The following RGS3 variants were observed in gnomAD, a reference collection of about 807,000 sequenced individuals.
RGS3 encodes regulator of G protein signaling 3.
A neutral mutation model predicts 132.6 loss-of-function variants in RGS3; 80 were observed. The ratio of observed to expected loss-of-function variants is 0.60; its 90% confidence interval spans 0.50 to 0.73. The LOEUF is 0.73. RGS3 is among the 30% of genes least tolerant of loss of function. RGS3 has a pLI of 0.00. For synonymous variants in RGS3, 598 were observed against 620.6 expected (o/e 0.96, Z 0.54); for missense variants, 1,382 against 1,530.8 (o/e 0.90, Z 1.62).
At chr9:113,460,028 A>G (rs1334055594), upstream of RGS3, among the ~76,000 whole-genome samples, 1 of 147,900 alleles carries the variant, frequency 6.8e-6, no homozygotes, top group Non-Finnish European at 1.5e-5. Context: ...GCAACAAGAG[A>G]GAAACTCTCT....
intron 20 of RGS3, among the ~76,000 whole-genome samples, chr9:113,587,640 A>AT (rs1451549798): frequency 6.6e-6 from 1 of 152,214 alleles, no homozygotes; most frequent in Non-Finnish European, 1.5e-5. Context: ...ACAGGGTGAC[A>AT]TTCAGTCTCG....
exon 20 of RGS3, chr9:113,584,000 G>T (rs1388533089): frequency 1.2e-6 from 2 of 1,614,144 alleles, no homozygotes; most frequent in Non-Finnish European, 8.5e-7. Context: ...CGGCTGGATA[G>T]CACCTACAGC....
At position 113,463,579 on chromosome 9, in the gene RGS3, G is replaced by A; in HGVS notation, c.415+1378G>A. 1 of 860,074 alleles carries A rather than the reference G, an allele frequency of 1.2e-6. No homozygotes were observed. Among genetic ancestry groups the A allele is most frequent in the Non-Finnish European group, 1.6e-6 (1 of 620,318 alleles). 53.3% of individuals were successfully genotyped at this position (860,074 alleles called of 1,614,324 possible). ...CGTCGCTGCTCAGCGCGGGTCGGCGGCGCCGCCTCCCCCACCCCGGCCCAG... is the reference window on the plus strand; with the variant it reads ...CGTCGCTGCTCAGCGCGGGTCGGCGACGCCGCCTCCCCCACCCCGGCCCAG... On this transcript the variant is annotated intron_variant, in intron 3 of 24. Coordinates refer to ENST00000350696, the Ensembl canonical transcript of RGS3. This position sits in a 1 kb window ranked among gnomAD's most constrained non-coding sequence, Gnocchi z 4.6.
chr9:113,525,812 T>A (rs1328312177), intron 17 of RGS3, among the ~76,000 whole-genome samples: 1 of 152,172 alleles, frequency 6.6e-6, no homozygotes, highest in Admixed American at 6.5e-5. Context: ...CATGGAACAC[T>A]GTGGGTGCCT....
intron 10 of RGS3, chr9:113,501,426 C>G (rs1462647884): frequency 1.4e-6 from 2 of 1,472,534 alleles, no homozygotes. Flanking sequence ...ACAGACAGGG[C>G]TTGGGGAGGT....
In RGS3 at chr9:113,517,591, G is replaced by T. The variant is rs767390721; in HGVS notation, c.1725G>T (p.Leu575=). 9 of 1,613,564 alleles carry T rather than the reference G, an allele frequency of 5.6e-6. No individual in the cohort carries two copies. The African/African-American group carries it at 1.2e-4, about 22-fold the overall frequency. ...GGACCCTCCTGCTGTCAGAGGAGCT[G>T]CTGCTGTATGAAGGGAGGAACAAGG... The change falls in exon 16 of 25, where the codon CTG becomes CTT. Residue 575 remains leucine, a synonymous_variant. Coordinates refer to ENST00000350696, the Ensembl canonical transcript of RGS3.
intron 16 of RGS3, among the ~76,000 whole-genome samples, chr9:113,520,802 C>T (rs1831915061): frequency 6.6e-6 from 1 of 151,932 alleles, no homozygotes; most frequent in Non-Finnish European, 1.5e-5. Flanking sequence ...TTTTCTTCAC[C>T]TCATCTCTTA....
chr9:113,577,325 A>G (rs1003636946), intron 19 of RGS3, among the ~76,000 whole-genome samples: 2 of 152,158 alleles, frequency 1.3e-5, no homozygotes, highest in African/African-American at 4.8e-5. Flanking sequence ...AAATTAGTGC[A>G]AAGTACAGAG....
intron 3 of RGS3, among the ~76,000 whole-genome samples, chr9:113,472,364 A>G (rs1327658188): frequency 6.6e-6 from 1 of 152,238 alleles, no homozygotes; most frequent in Non-Finnish European, 1.5e-5. Context: ...AAGTCGAAAT[A>G]ACCTGAAATA....
chr9:113,476,522 G>A (rs1829999216), intron 3 of RGS3, among the ~76,000 whole-genome samples: 1 of 152,186 alleles, frequency 6.6e-6, no homozygotes. Flanking sequence ...GGTCTGCTGG[G>A]TTTGGTTTCT....
chr9:113,536,424 G>A, intron 18 of RGS3: 1 of 949,710 alleles, frequency 1.1e-6, no homozygotes, highest in Non-Finnish European at 1.3e-6. Flanking sequence ...CAGAGAATCA[G>A]CCTGAGGCCC....
chr9:113,466,550 A>C (rs1262738550), intron 3 of RGS3, among the ~76,000 whole-genome samples: 1 of 152,184 alleles, frequency 6.6e-6, no homozygotes, highest in Non-Finnish European at 1.5e-5. Context: ...GCCTTACTTC[A>C]GGGGAAGGGA....
Position 113,567,924 on chromosome 9 carries a change from T to G in RGS3, c.2038-15526T>G, listed in dbSNP as rs571374109. Among the ~76,000 whole-genome samples the G allele has an allele frequency of 3.3e-5, 5 of 152,332 alleles. No individual in the cohort carries two copies. In the East Asian group the frequency reaches 9.6e-4, roughly 29 times the overall value. On this transcript the variant is annotated intron_variant, in intron 19 of 24. Coordinates refer to ENST00000350696, the Ensembl canonical transcript of RGS3. The stretch of plus-strand genomic sequence containing the variant: ...GGCACAGCTGAAGAGAGAGTGCCTA[T>G]CCCCAGCTGGGTCCCTGGGGGCCTT...
At position 113,537,402 on chromosome 9, in the gene RGS3, G is replaced by C. The variant is rs961082729; in HGVS notation, c.2037+484G>C. Among the ~76,000 whole-genome samples, 1 of 152,158 alleles carries C rather than the reference G, an allele frequency of 6.6e-6. No individual in the cohort carries two copies. The highest frequency in any genetic ancestry group is 6.5e-5 in the Admixed American group (1 of 15,272). Reference sequence around the variant, plus strand: ...AGTAGAGCTGAGTGTGGACTGCTGGGGTCTGGGGACTGGCTGGCAGGAGCA... The same window carrying C: ...AGTAGAGCTGAGTGTGGACTGCTGGCGTCTGGGGACTGGCTGGCAGGAGCA... On this transcript the variant is annotated intron_variant, in intron 19 of 24. Coordinates refer to ENST00000350696, the Ensembl canonical transcript of RGS3. This position sits in a 1 kb window ranked among gnomAD's most constrained non-coding sequence, Gnocchi z 4.3.
intron 19 of RGS3, among the ~76,000 whole-genome samples, chr9:113,559,986 C>T (rs564407060): frequency 4.5e-4 from 69 of 152,308 alleles, no homozygotes; most frequent in African/African-American, 1.2e-3. Context: ...TACACCACGT[C>T]GTCTAGTCCT....
Position 113,565,090 on chromosome 9 carries a change from CCT to C in RGS3, c.2038-18356_2038-18355del. 8.6e-7 allele frequency: 1 copy of C among 1,160,932 alleles called. No homozygotes were observed. Among genetic ancestry groups the C allele is most frequent in the Non-Finnish European group, 1.1e-6 (1 of 927,500 alleles). 71.9% of individuals were successfully genotyped at this position (1,160,932 alleles called of 1,614,324 possible). A position where few individuals can be genotyped will look rare whatever the true frequency, so the allele number is the denominator to read the frequency against. ...GGGGTGCCGTTGTGAGGGATGGACGCCTCTCCCCCGGAGCAGCACTTTGGGGC... is the reference window on the plus strand; with the variant it reads ...GGGGTGCCGTTGTGAGGGATGGACGCCTCCCCCGGAGCAGCACTTTGGGGC... On this transcript the variant is annotated intron_variant, in intron 19 of 24. Transcript: ENST00000350696. The surrounding 1 kb of genome is among the most constrained non-coding windows in gnomAD (Gnocchi z 5.7).
exon 9 of RGS3, chr9:113,497,357 G>A (rs1413556058): frequency 1.2e-6 from 2 of 1,613,554 alleles, no homozygotes; most frequent in South Asian, 1.1e-5. Flanking sequence ...CACCTGGGCC[G>A]GACCAAGCAC....
intron 19 of RGS3, among the ~76,000 whole-genome samples, chr9:113,559,452 C>T (rs1486405165): frequency 6.6e-6 from 1 of 152,238 alleles, no homozygotes; most frequent in Non-Finnish European, 1.5e-5. Context: ...CAGCCAGCAG[C>T]AGGCCTCTGG....
At chr9:113,447,329 G>GTGTATATATATA (rs1554751009) in intron 1 of RGS3, among the ~76,000 whole-genome samples, 15 of 27,556 alleles carry the variant, frequency 5.4e-4, no homozygotes, top group African/African-American at 1.3e-3. Flanking sequence ...GTATGTATAT[G>GTGTATATATATA]TATATATATA....
Sources: gnomAD v4.1 joint callset for allele counts (sites outside exome capture counted in the v4.1 genomes callset) on GRCh38, gnomAD v4.1.1 for gene constraint, Gnocchi (gnomAD v3.1) non-coding constraint, MANE v1.5 for transcripts, NCBI Gene and HGNC (gene_info 2026-07-23, HGNC 2026-07-21) for gene names.